Variants in TRPM7 observed in about 807,000 individuals in gnomAD.
The protein encoded by TRPM7 is LTRPC ion channel family member 7.
TRPM7 carries 134 observed loss-of-function variants against 229.7 expected under a neutral mutation model. The observed-to-expected ratio is 0.58, with a 90% confidence interval of 0.51 to 0.67. The LOEUF (loss-of-function observed/expected upper bound fraction) is 0.67. Among genes scored for constraint, TRPM7 ranks in the 30% least tolerant of loss-of-function variants. The probability of loss-of-function intolerance (pLI) is 0.00; values close to 1 mark genes in which losing one functional copy is unlikely to be tolerated. For missense variants in TRPM7, 1,901 were observed against 2,210.0 expected (o/e 0.86, Z 2.80); for synonymous variants, 699 against 715.2 (o/e 0.98, Z 0.36).
chr15:50,600,295 G>A (rs1391508699), intron 21 of TRPM7, among the ~76,000 whole-genome samples: 1 of 152,042 alleles, frequency 6.6e-6, no homozygotes, highest in East Asian at 1.9e-4. Context: ...AACTTAGCCG[G>A]GCGTGGCGGC....
rs527971754 is a variant in TRPM7 at position 50,612,900 on chromosome 15, T to A, written c.1771-71A>T. 1.0e-5 allele frequency: 14 copies of A among 1,375,112 alleles called. No homozygotes were observed. In the South Asian group the frequency reaches 2.0e-4, roughly 19 times the overall value. The allele number at this position is 1,375,112 out of a possible 1,614,324, so 85.2% of individuals were successfully genotyped here. ...ATGAAATTTATGTCAGTGAAAATTT[T>A]AGTAAAATATCTTTACATTATTCAG... On this transcript the variant is annotated intron_variant, in intron 15 of 38. Transcript: ENST00000646667.
In TRPM7 at chr15:50,570,085, A is replaced by C. The variant is rs1724388197; in HGVS notation, c.5360+19T>G. On this transcript the variant is annotated intron_variant, in intron 37 of 38. Transcript: ENST00000646667. ...AAAATGTGAAATTATGCCTTAATGA[A>C]ATAGTTAAAACTTATTACCTCTTTT... 1.2e-6 allele frequency: 2 copies of C among 1,602,620 alleles called. No homozygotes were observed. The highest frequency in any genetic ancestry group is 3.4e-4 in the Middle Eastern group (2 of 5,952).
intron 8 of TRPM7, among the ~76,000 whole-genome samples, chr15:50,633,496 T>C (rs925155735): frequency 6.6e-6 from 1 of 151,656 alleles, no homozygotes; most frequent in Admixed American, 6.6e-5. Flanking sequence ...CATTTACTTA[T>C]ATATAACTTT....
chr15:50,613,831 C>A lies in TRPM7; in HGVS notation c.1646G>T (p.Arg549Leu), dbSNP rs542912489. ...SLGGNNRRSGRNTSSSTPQLR... is the reference protein window; with the variant it reads ...SLGGNNRRSGLNTSSSTPQLR... ...CTGAGGAGTGCTGCTGGAGGTATTT[C>A]GGCCAGACCTCTGAAAATGAGATCT... Residue 549 changes from arginine (R) to leucine (L), a missense_variant, in exon 15 of 39, where the codon CGA (arginine) becomes CTA (leucine). Physicochemically the swap from Arg to Leu is moderately radical, Grantham distance 102 (BLOSUM62 -2). Transcript: ENST00000646667. The A allele has an allele frequency of 1.9e-6, 3 of 1,609,644 alleles. No homozygotes were observed. The highest frequency in any genetic ancestry group is 2.5e-6 in the Non-Finnish European group (3 of 1,179,042).
chr15:50,566,461 G>A (rs1400885239), intron 38 of TRPM7, among the ~76,000 whole-genome samples: 3 of 152,074 alleles, frequency 2.0e-5, no homozygotes, highest in African/African-American at 7.2e-5. Flanking sequence ...ACTTTGGGAG[G>A]CCGAGTCGGG....
chr15:50,578,452 A>G (rs2054241820), intron 31 of TRPM7, 187 bp downstream of exon 31: 1 of 417,814 alleles, frequency 2.4e-6, no homozygotes, highest in Non-Finnish European at 4.3e-6. Flanking sequence ...CATCATTCAC[A>G]GGGTGATTCG....
intron 15 of TRPM7, 25 bp from the exon 16 acceptor site, chr15:50,612,854 A>G: frequency 6.3e-7 from 1 of 1,585,530 alleles, no homozygotes; most frequent in Non-Finnish European, 8.5e-7. Context: ...AAAGTTATAA[A>G]GCTCATTATA....
At chr15:50,684,108 C>G (rs935896356) in intron 1 of TRPM7, among the ~76,000 whole-genome samples, 3 of 151,596 alleles carry the variant, frequency 2.0e-5, no homozygotes, top group Admixed American at 6.6e-5. Context: ...ATCAGCCTGT[C>G]GCCGCCTCCC....
rs539727207 is a variant in TRPM7, at chr15:50,594,851, G to A, written c.3291-238C>T. ...AATTTAAAATATTGTATGTAAATGG[G>A]TAAGACATAAGAAAATACTCAGACT... On this transcript the variant is annotated intron_variant, in intron 23 of 38. Transcript: ENST00000646667. Among the ~76,000 whole-genome samples, 10 of 152,186 alleles carry A rather than the reference G, an allele frequency of 6.6e-5. No homozygotes were observed. In the South Asian group the frequency reaches 1.5e-3, roughly 22 times the overall value.
intron 10 of TRPM7, among the ~76,000 whole-genome samples, chr15:50,628,475 T>G (rs1192435527): frequency 6.6e-6 from 1 of 152,072 alleles, no homozygotes; most frequent in Non-Finnish European, 1.5e-5. Flanking sequence ...CCCAGCTAAT[T>G]TTTTAACTTT....
chr15:50,620,828 A>G (rs1016786621), intron 12 of TRPM7, among the ~76,000 whole-genome samples: 8 of 152,132 alleles, frequency 5.3e-5, no homozygotes, highest in African/African-American at 1.9e-4. Context: ...GGTACTCGGG[A>G]GGCTGAGGTA....
chr15:50,576,001 C>T (rs573926046), intron 31 of TRPM7, 82 bp from the exon 32 acceptor site: 15 of 1,399,292 alleles, frequency 1.1e-5, no homozygotes, highest in Non-Finnish European at 1.5e-5. Context: ...CTCATAAAAT[C>T]ATTTTGAATT....
chr15:50,619,102 A>C (rs1037494699), intron 13 of TRPM7, among the ~76,000 whole-genome samples: 1 of 152,204 alleles, frequency 6.6e-6, no homozygotes, highest in Non-Finnish European at 1.5e-5. Flanking sequence ...CTGAGGAATA[A>C]ATTTCTGCTG....
chr15:50,678,254 AAAACAAAAAC>A (rs2062144928), intron 1 of TRPM7, among the ~76,000 whole-genome samples: 3 of 134,634 alleles, frequency 2.2e-5, no homozygotes, highest in South Asian at 4.6e-4. Flanking sequence ...AAAAAAAACA[AAAACAAAAAC>A]AAAAACAAAA....
At chr15:50,630,431 C>T (rs77172464) in intron 10 of TRPM7, among the ~76,000 whole-genome samples, 2,231 of 152,092 alleles carry the variant, frequency 0.015, 59 homozygotes, top group African/African-American at 0.051. Flanking sequence ...GATGGGATAC[C>T]GTCATAGTTT....
chr15:50,572,258 C>G (rs1273963156), intron 36 of TRPM7, among the ~76,000 whole-genome samples: 1 of 152,150 alleles, frequency 6.6e-6, no homozygotes, highest in African/African-American at 2.4e-5. Context: ...TGCACTCCAG[C>G]CTGGGCAACA....
Position 50,613,817 on chromosome 15 carries a change from T to C in TRPM7, c.1660A>G (p.Ser554Gly). ...NRRSGRNTSS[S>G]TPQLRKSHES... ...TGACTCTTTCGCAACTGAGGAGTGC[T>C]GCTGGAGGTATTTCGGCCAGACCTC... is the stretch of plus-strand genomic sequence containing the variant. The change falls in exon 15 of 39, where the codon AGC becomes GGC. Residue 554 changes from serine (S) to glycine (G), a missense_variant. Ser to Gly is a moderately conservative substitution (Grantham distance 56). Around this residue, in one of 8 missense-constraint regions of TRPM7, gnomAD observed 794 missense variants for 881.9 expected, o/e 0.90. Transcript: ENST00000646667. The C allele has an allele frequency of 1.2e-6, 2 of 1,612,840 alleles. No individual in the cohort carries two copies. Among genetic ancestry groups the C allele is most frequent in the South Asian group, 1.1e-5 (1 of 90,582 alleles).
At chr15:50,590,309 A>C (rs2059455099) in intron 26 of TRPM7, among the ~76,000 whole-genome samples, 1 of 152,252 alleles carries the variant, frequency 6.6e-6, no homozygotes, top group African/African-American at 2.4e-5. Context: ...ATATATACGG[A>C]TAATCACTCA....
intron 3 of TRPM7, among the ~76,000 whole-genome samples, chr15:50,654,872 G>T (rs1157765801): frequency 6.7e-6 from 1 of 149,896 alleles, no homozygotes; most frequent in Non-Finnish European, 1.5e-5. Flanking sequence ...GTGGCAGCAG[G>T]CACCTGTAGT....
Sources: gnomAD v4.1 joint callset for allele counts (sites outside exome capture counted in the v4.1 genomes callset) on GRCh38, gnomAD v4.1.1 for gene constraint, gnomAD v4.1.1 regional missense constraint, MANE v1.5 for transcripts, NCBI Gene and HGNC (gene_info 2026-07-23, HGNC 2026-07-21) for gene names.